Variants in MARCHF1 observed in about 807,000 individuals in gnomAD.
MARCHF1 encodes the protein E3 ubiquitin-protein ligase MARCHF1.
A neutral mutation model predicts 54.2 loss-of-function variants in MARCHF1; 40 were observed. That is an observed-to-expected ratio of 0.74 (90% CI 0.57 to 0.96). The LOEUF (loss-of-function observed/expected upper bound fraction) is 0.96. Ranked by LOEUF, MARCHF1 falls within the 40% of genes least tolerant of loss-of-function variation. MARCHF1 has a pLI of 0.00. For missense variants in MARCHF1, 586 were observed against 656.5 expected (o/e 0.89, Z 1.17); for synonymous variants, 236 against 236.3 (o/e 1.00, Z 0.01).
intron 1 of MARCHF1, among the ~76,000 whole-genome samples, chr4:164,165,487 T>C (rs563588189): frequency 2.6e-5 from 4 of 152,044 alleles, no homozygotes; most frequent in African/African-American, 7.2e-5. Context: ...TGCTGGCACC[T>C]TGATCTCACA....
intron 1 of MARCHF1, among the ~76,000 whole-genome samples, chr4:164,120,112 T>A (rs899100567): frequency 2.0e-5 from 3 of 151,638 alleles, no homozygotes; most frequent in African/African-American, 7.3e-5. Flanking sequence ...AGAACTTAAC[T>A]CACACAAAGC....
intron 8 of MARCHF1, among the ~76,000 whole-genome samples, chr4:163,580,623 T>C (rs541537873): frequency 2.0e-5 from 3 of 152,248 alleles, no homozygotes; most frequent in African/African-American, 2.4e-5. Context: ...TAGAAGTTGT[T>C]AATGTTTTCA....
chr4:163,692,007 T>C (rs1289028353), intron 5 of MARCHF1, among the ~76,000 whole-genome samples: 3 of 152,168 alleles, frequency 2.0e-5, no homozygotes, highest in Admixed American at 1.3e-4. Flanking sequence ...AGGGTTAACA[T>C]GTGGTGCAAT....
chr4:164,351,172 G>A (rs1182369382), intron 1 of MARCHF1, among the ~76,000 whole-genome samples: 4 of 151,806 alleles, frequency 2.6e-5, no homozygotes, highest in Admixed American at 1.3e-4. Flanking sequence ...CAAGGCGGCA[G>A]CGAGGCTGGG....
At chr4:163,827,278 CT>C (rs1203372343) in intron 4 of MARCHF1, among the ~76,000 whole-genome samples, 2 of 151,916 alleles carry the variant, frequency 1.3e-5, no homozygotes, top group African/African-American at 2.4e-5. Context: ...AACATATTGA[CT>C]TTTTCTCCAT....
chr4:163,856,595 A>C (rs776381063), intron 3 of MARCHF1, among the ~76,000 whole-genome samples: 7 of 152,242 alleles, frequency 4.6e-5, no homozygotes, highest in Non-Finnish European at 1.0e-4. Flanking sequence ...ACATCTGGAC[A>C]TTCATTTCAT....
intron 1 of MARCHF1, among the ~76,000 whole-genome samples, chr4:164,180,130 CAAAT>C (rs1730794873): frequency 1.3e-5 from 2 of 151,702 alleles, no homozygotes; most frequent in Non-Finnish European, 1.5e-5. Context: ...ATTAAAAAGA[CAAAT>C]AAAATTTTCC....
At chr4:164,364,450 T>A (rs1339521838) in intron 1 of MARCHF1, among the ~76,000 whole-genome samples, 1 of 152,036 alleles carries the variant, frequency 6.6e-6, no homozygotes. Flanking sequence ...AAAACCACTA[T>A]CTATCACAAA....
chr4:163,733,044 C>T (rs1173503924), intron 4 of MARCHF1, among the ~76,000 whole-genome samples: 6 of 149,792 alleles, frequency 4.0e-5, no homozygotes, highest in East Asian at 4.0e-4. Flanking sequence ...CCCAGCTACT[C>T]GGGAGGCTGA....
At chr4:163,676,696 C>T (rs1743931853) in intron 5 of MARCHF1, among the ~76,000 whole-genome samples, 2 of 152,222 alleles carry the variant, frequency 1.3e-5, no homozygotes, top group African/African-American at 2.4e-5. Flanking sequence ...TTTGAGGTTA[C>T]GATGAGCTAT....
chr4:164,163,745 T>C (rs952477268), intron 1 of MARCHF1, among the ~76,000 whole-genome samples: 4 of 151,954 alleles, frequency 2.6e-5, no homozygotes, highest in African/African-American at 4.8e-5. Flanking sequence ...CTTAAAGTAA[T>C]TGACATTTAT....
chr4:163,728,212 AC>A (rs1183364647), intron 4 of MARCHF1, among the ~76,000 whole-genome samples: 1 of 151,424 alleles, frequency 6.6e-6, no homozygotes, highest in African/African-American at 2.4e-5. Flanking sequence ...AATTTTTATC[AC>A]CCCCTTTTTT....
chr4:164,311,221 T>C (rs367564078), intron 1 of MARCHF1, among the ~76,000 whole-genome samples: 15 of 152,264 alleles, frequency 9.9e-5, no homozygotes, highest in East Asian at 1.9e-4. Context: ...TTAGGATGAT[T>C]ACTACTCATA....
intron 5 of MARCHF1, among the ~76,000 whole-genome samples, chr4:163,698,429 T>G (rs1334331358): frequency 1.3e-5 from 2 of 152,222 alleles, no homozygotes; most frequent in Non-Finnish European, 2.9e-5. Context: ...AAAGGAAAGT[T>G]AAGTTGGTTT....
At chr4:163,762,697 T>G (rs1746862473) in intron 4 of MARCHF1, among the ~76,000 whole-genome samples, 1 of 152,112 alleles carries the variant, frequency 6.6e-6, no homozygotes, top group Non-Finnish European at 1.5e-5. Context: ...AATCAAAAAT[T>G]TACATAATGT....
In MARCHF1 at chr4:164,189,826, C is replaced by A; in HGVS notation, c.-322-78164G>T. 10 of 1,592,220 alleles carry A rather than the reference C, an allele frequency of 6.3e-6. No individual in the cohort carries two copies. The South Asian group carries it at 1.1e-4, about 18-fold the overall frequency. ...CATCTTCTGGGTACATTTGATCTGA[C>A]TGGAATTCCTCCTGCTCCTCGTGGG... is the stretch of plus-strand genomic sequence containing the variant. On this transcript the variant is annotated intron_variant, in intron 1 of 9. Transcript: ENST00000514618.
At chr4:163,564,971 C>A (rs1192094337) in intron 8 of MARCHF1, among the ~76,000 whole-genome samples, 1 of 152,028 alleles carries the variant, frequency 6.6e-6, no homozygotes, top group South Asian at 2.1e-4. Flanking sequence ...GGAAGGAACT[C>A]CCTAAACTGG....
intron 4 of MARCHF1, among the ~76,000 whole-genome samples, chr4:163,790,268 G>A (rs979705310): frequency 2.6e-5 from 4 of 152,028 alleles, no homozygotes; most frequent in East Asian, 3.8e-4. Flanking sequence ...AAAAAGTCAC[G>A]TAAGCCTTTT....
chr4:163,929,004 A>C (rs7655604), intron 3 of MARCHF1, among the ~76,000 whole-genome samples: 32,688 of 151,842 alleles, frequency 0.22, 4,385 homozygotes, highest in African/African-American at 0.38. Context: ...ATAGAGAGAA[A>C]AAATAACATA....
Sources: allele counts gnomAD v4.1 joint callset (sites outside exome capture counted in the v4.1 genomes callset), GRCh38; gene constraint gnomAD v4.1.1; transcripts MANE v1.5; gene names NCBI Gene and HGNC (gene_info 2026-07-23, HGNC 2026-07-21).